The following SLIT3 variants were observed in gnomAD, a reference collection of about 807,000 sequenced individuals.
SLIT3 encodes the protein slit homolog 3 protein.
A neutral mutation model predicts 184.0 loss-of-function variants in SLIT3; 68 were observed. The ratio of observed to expected loss-of-function variants is 0.37; its 90% CI spans 0.30 to 0.45. The LOEUF is 0.45. Among genes scored for constraint, SLIT3 ranks in the 20% least tolerant of loss-of-function variants. The pLI is 1.00. For synonymous variants in SLIT3, 831 were observed against 828.6 expected (o/e 1.00, Z -0.05); for missense variants, 1,707 against 2,026.0 (o/e 0.84, Z 3.02).
intron 4 of SLIT3, among the ~76,000 whole-genome samples, chr5:168,960,912 TA>T (rs1401775768): frequency 1.3e-5 from 2 of 152,222 alleles, no homozygotes; most frequent in Non-Finnish European, 2.9e-5. Flanking sequence ...GGACTGAGGC[TA>T]GGGGCCAGGA....
chr5:169,021,216 A>G (rs1314815476), intron 4 of SLIT3, among the ~76,000 whole-genome samples: 1 of 152,224 alleles, frequency 6.6e-6, no homozygotes, highest in Non-Finnish European at 1.5e-5. Context: ...TTTCCAAAGC[A>G]GCTTCCAAGA....
intron 4 of SLIT3, among the ~76,000 whole-genome samples, chr5:168,910,672 G>T (rs550557572): frequency 6.6e-6 from 1 of 151,792 alleles, no homozygotes; most frequent in Non-Finnish European, 1.5e-5. Flanking sequence ...CGTGAACCTG[G>T]GAGGCGGAGC....
At chr5:168,932,258 GTTT>G (rs373049439) in intron 4 of SLIT3, among the ~76,000 whole-genome samples, 2 of 103,550 alleles carry the variant, frequency 1.9e-5, no homozygotes, top group Non-Finnish European at 2.0e-5. Flanking sequence ...TTGTTGTTGT[GTTT>G]TTTTTTTTTT....
At chr5:169,136,812 C>G (rs1395891949) in intron 4 of SLIT3, among the ~76,000 whole-genome samples, 1 of 152,148 alleles carries the variant, frequency 6.6e-6, no homozygotes, top group Admixed American at 6.5e-5. Context: ...AGGAGCAAGA[C>G]TGGGGATCTG....
At chr5:168,938,446 A>G (rs980476011) in intron 4 of SLIT3, among the ~76,000 whole-genome samples, 1 of 152,218 alleles carries the variant, frequency 6.6e-6, no homozygotes, top group African/African-American at 2.4e-5. Context: ...TGAGAAAGTG[A>G]CAGATGGATC....
intron 20 of SLIT3, among the ~76,000 whole-genome samples, chr5:168,725,145 CAG>C (rs1763068192): frequency 2.0e-5 from 3 of 152,066 alleles, no homozygotes; most frequent in African/African-American, 4.8e-5. Flanking sequence ...CAGGAGGGGA[CAG>C]GGGTTCAGAG....
chr5:168,757,198 G>A, intron 16 of SLIT3, among the ~76,000 whole-genome samples: 1 of 152,150 alleles, frequency 6.6e-6, no homozygotes, highest in East Asian at 1.9e-4. Flanking sequence ...TGTAAAACCA[G>A]GGCCACCCAG....
chr5:169,293,987 G>C (rs139379936), intron 1 of SLIT3, among the ~76,000 whole-genome samples: 4 of 152,196 alleles, frequency 2.6e-5, no homozygotes, highest in African/African-American at 9.7e-5. Flanking sequence ...AATGAAGAAC[G>C]GAGAGCACGG....
intron 20 of SLIT3, among the ~76,000 whole-genome samples, chr5:168,727,531 C>T (rs1329459736): frequency 6.6e-6 from 1 of 152,020 alleles, no homozygotes; most frequent in Non-Finnish European, 1.5e-5. Context: ...CTGGAGAGGA[C>T]AGTGGGAGAC....
intron 3 of SLIT3, among the ~76,000 whole-genome samples, chr5:169,220,844 C>T (rs1207093853): frequency 1.3e-5 from 2 of 152,198 alleles, no homozygotes; most frequent in Non-Finnish European, 2.9e-5. Flanking sequence ...CAGGTGTCAG[C>T]CAACATGGGA....
intron 4 of SLIT3, among the ~76,000 whole-genome samples, chr5:169,111,698 GC>G (rs976813558): frequency 1.3e-5 from 2 of 152,180 alleles, no homozygotes; most frequent in African/African-American, 4.8e-5. Context: ...GTGGCAGTGG[GC>G]CAAGACTGCA....
chr5:168,699,427 T>A (rs1300179864), intron 27 of SLIT3, among the ~76,000 whole-genome samples: 1 of 152,192 alleles, frequency 6.6e-6, no homozygotes, highest in Non-Finnish European at 1.5e-5. Context: ...CCTGACTGGC[T>A]CACCAGGGAT....
intron 1 of SLIT3, among the ~76,000 whole-genome samples, chr5:169,270,083 CCCG>C (rs1766546071): frequency 1.3e-5 from 2 of 152,158 alleles, no homozygotes; most frequent in South Asian, 4.1e-4. Context: ...GAGGGAGGCT[CCCG>C]CCCTCTCCTC....
chr5:168,774,313 T>C lies in SLIT3; in HGVS notation c.1217A>G (p.Asn406Ser), dbSNP rs200412250. 6 of 1,614,028 alleles carry C rather than the reference T, an allele frequency of 3.7e-6. No individual in the cohort carries two copies. Among genetic ancestry groups the C allele is most frequent in the South Asian group, 3.3e-5 (3 of 91,072 alleles). The change falls in exon 13 of 36, where the codon AAC becomes AGC. Residue 406 changes from asparagine (N) to serine (S), a missense_variant. This residue lies in a region of SLIT3 where 1,307 missense variants were observed against 1,511.6 expected (regional missense o/e 0.86). Coordinates refer to ENST00000519560, the MANE Select transcript of SLIT3 (RefSeq NM_003062.4). ...CTTGTTGTCATACAGGGAGAGCAAG[T>C]TGAGGTTCTGCAGGTCCTGAAACGT... ...VNTFQDLQNL[N>S]LLSLYDNKLQ...
rs578011932 is a variant in SLIT3, at chr5:168,918,391, A to C, written c.414-35055T>G. ...TTCTGACTTGCATCAGAACAAAAAT[A>C]AAATGAAATTTAAAGGGCCCCTGGG... On this transcript the variant is annotated intron_variant, in intron 4 of 35. Transcript: ENST00000519560. Among the ~76,000 whole-genome samples the C allele has an allele frequency of 4.6e-5, 7 of 152,334 alleles. No individual in the cohort carries two copies. The South Asian group carries it at 1.5e-3, about 32-fold the overall frequency.
At chr5:168,970,302 C>A (rs1200441173) in intron 4 of SLIT3, among the ~76,000 whole-genome samples, 3 of 152,064 alleles carry the variant, frequency 2.0e-5, no homozygotes, top group African/African-American at 7.2e-5. Flanking sequence ...TCAAGACCAG[C>A]CTGGCCAACA....
chr5:168,749,127 A>T (rs1041439685), intron 19 of SLIT3, among the ~76,000 whole-genome samples: 2 of 152,214 alleles, frequency 1.3e-5, no homozygotes, highest in Non-Finnish European at 2.9e-5. Context: ...AGGGGCACCA[A>T]TCTCACTGTG....
At chr5:168,772,662 C>T (rs1755595754) in intron 14 of SLIT3, 119 bp downstream of exon 14, 1 of 1,106,390 alleles carries the variant, frequency 9.0e-7, no homozygotes, top group Non-Finnish European at 1.3e-6. Context: ...ATTTAATTTG[C>T]AAAGATGCTC....
At chr5:168,875,070 A>G (rs926279851) in intron 5 of SLIT3, among the ~76,000 whole-genome samples, 12 of 148,770 alleles carry the variant, frequency 8.1e-5, no homozygotes, top group African/African-American at 3.0e-4. Flanking sequence ...GAAGGAAAGA[A>G]GGGAGGAAGA....
Sources: gnomAD v4.1 joint callset for allele counts (sites outside exome capture counted in the v4.1 genomes callset) on GRCh38, gnomAD v4.1.1 for gene constraint, gnomAD v4.1.1 regional missense constraint, MANE v1.5 for transcripts, NCBI Gene and HGNC (gene_info 2026-07-23, HGNC 2026-07-21) for gene names.